UBAP1: variants seen among roughly 807,000 people sequenced by gnomAD.
The protein encoded by UBAP1 is ubiquitin associated protein 1.
In UBAP1, 5 loss-of-function variants were observed where a neutral mutation model predicts 39.0. That is an observed-to-expected ratio of 0.13 (90% confidence interval 0.07 to 0.27). The LOEUF (loss-of-function observed/expected upper bound fraction) is 0.27. Ranked by LOEUF, UBAP1 falls within the 10% of genes least tolerant of loss-of-function variation. The pLI, the probability that UBAP1 is intolerant of heterozygous loss-of-function variation, is 1.00. For synonymous variants in UBAP1, 211 were observed against 225.1 expected, an observed-to-expected ratio of 0.94 and a Z score of 0.56; for missense variants, 490 against 608.1, an observed-to-expected ratio of 0.81 and a Z score of 2.04.
chr9:34,198,558 C>T (rs1010186749), intron 1 of UBAP1, among the ~76,000 whole-genome samples: 1 of 152,306 alleles, frequency 6.6e-6, no homozygotes, highest in South Asian at 2.1e-4. Context: ...GATAGACATG[C>T]CGCAGATGGG....
At chr9:34,205,309 C>T (rs1270667506) in intron 1 of UBAP1, among the ~76,000 whole-genome samples, 1 of 152,180 alleles carries the variant, frequency 6.6e-6, no homozygotes, top group Non-Finnish European at 1.5e-5. Context: ...TCACACCCAG[C>T]CCTGGCTAAT....
chr9:34,232,201 G>T (rs967714993), intron 2 of UBAP1, among the ~76,000 whole-genome samples: 1 of 152,072 alleles, frequency 6.6e-6, no homozygotes, highest in Non-Finnish European at 1.5e-5. Context: ...CACCATGTTG[G>T]CCAGGTTAGT....
chr9:34,233,525 A>G (rs1184484268), intron 2 of UBAP1, among the ~76,000 whole-genome samples: 1 of 152,148 alleles, frequency 6.6e-6, no homozygotes, highest in East Asian at 1.9e-4. Context: ...AGTCTCATCC[A>G]TTCAGTATTT....
chr9:34,243,539 G>A (rs1231896977), intron 4 of UBAP1, among the ~76,000 whole-genome samples: 1 of 151,352 alleles, frequency 6.6e-6, no homozygotes, highest in Admixed American at 6.6e-5. Flanking sequence ...AGGCTGGAAT[G>A]TAGTGGTGTG....
intron 1 of UBAP1, among the ~76,000 whole-genome samples, chr9:34,185,841 G>C (rs891788502): frequency 2.0e-5 from 3 of 152,090 alleles, no homozygotes; most frequent in Admixed American, 2.0e-4. Flanking sequence ...ACGCATCTCT[G>C]TCTCAAAAAA....
intron 1 of UBAP1, among the ~76,000 whole-genome samples, chr9:34,214,397 G>C (rs1832185397): frequency 6.6e-6 from 1 of 152,096 alleles, no homozygotes; most frequent in African/African-American, 2.4e-5. Context: ...CTTCGACAAA[G>C]CAAACAAAAA....
chr9:34,226,642 A>G (rs1280750916), intron 2 of UBAP1, among the ~76,000 whole-genome samples: 1 of 152,168 alleles, frequency 6.6e-6, no homozygotes, highest in Non-Finnish European at 1.5e-5. Context: ...CTGGGAGTTC[A>G]AGGTTATAGT....
chr9:34,224,147 T>TC, intron 2 of UBAP1: 1 of 655,812 alleles, frequency 1.5e-6, no homozygotes, highest in African/African-American at 1.9e-5. Flanking sequence ...GATTTTGGCC[T>TC]TTTTTTTTCC....
chr9:34,194,265 T>C (rs1462239778), intron 1 of UBAP1, among the ~76,000 whole-genome samples: 1 of 152,146 alleles, frequency 6.6e-6, no homozygotes, highest in Non-Finnish European at 1.5e-5. Context: ...GAATGTGTAA[T>C]AGCTATTTTG....
intron 1 of UBAP1, among the ~76,000 whole-genome samples, chr9:34,183,265 C>T (rs1171881227): frequency 2.0e-5 from 3 of 151,652 alleles, no homozygotes; most frequent in African/African-American, 7.3e-5. Flanking sequence ...TTAAATAGGC[C>T]TGGCGCCATG....
At chr9:34,190,345 A>T (rs1018880598) in intron 1 of UBAP1, among the ~76,000 whole-genome samples, 1 of 152,078 alleles carries the variant, frequency 6.6e-6, no homozygotes, top group Non-Finnish European at 1.5e-5. Context: ...ACTGGAGTGC[A>T]GTGGTGTGGT....
chr9:34,246,305 G>GT (rs1214158491), intron 4 of UBAP1, among the ~76,000 whole-genome samples: 1 of 152,058 alleles, frequency 6.6e-6, no homozygotes, highest in Admixed American at 6.6e-5. Context: ...AGCTTAAGCA[G>GT]TCCTTCTGCC....
intron 1 of UBAP1, among the ~76,000 whole-genome samples, chr9:34,195,008 T>G (rs1315348569): frequency 6.6e-6 from 1 of 152,220 alleles, no homozygotes; most frequent in African/African-American, 2.4e-5. Flanking sequence ...TGACAATTCT[T>G]GCTCAAACTC....
At position 34,217,529 on chromosome 9, in the gene UBAP1, C is replaced by T. The variant is rs780737424; in HGVS notation, c.-7-3379C>T. Among the ~76,000 whole-genome samples, 35 of 152,032 alleles carry T rather than the reference C, an allele frequency of 2.3e-4. 1 individual carries two copies. Among genetic ancestry groups the T allele is most frequent in the Non-Finnish European group, 3.8e-4 (26 of 68,000 alleles). ...AAGATTACAGTCGTGAGCCACCGTG[C>T]CTGGCTGGTGGCGGTGGTGGTTTTT... On this transcript the variant is annotated intron_variant, in intron 1 of 6. Coordinates refer to ENST00000297661, the MANE Select transcript of UBAP1 (RefSeq NM_016525.5).
intron 1 of UBAP1, among the ~76,000 whole-genome samples, chr9:34,189,329 C>A (rs1830588207): frequency 6.6e-6 from 1 of 151,890 alleles, no homozygotes; most frequent in Non-Finnish European, 1.5e-5. Context: ...GCTGGGATTA[C>A]AGGCACGTGC....
chr9:34,218,986 T>C (rs1290231838), intron 1 of UBAP1, among the ~76,000 whole-genome samples: 5 of 152,200 alleles, frequency 3.3e-5, no homozygotes, highest in African/African-American at 1.2e-4. Context: ...TTGCTGGTTC[T>C]TTGAAAATTG....
At chr9:34,199,292 C>G (rs1831233717) in intron 1 of UBAP1, among the ~76,000 whole-genome samples, 1 of 152,184 alleles carries the variant, frequency 6.6e-6, no homozygotes, top group South Asian at 2.1e-4. Flanking sequence ...CCAGGATGGT[C>G]TCGAACCCCT....
intron 1 of UBAP1, among the ~76,000 whole-genome samples, chr9:34,212,234 T>A (rs1450405457): frequency 6.6e-6 from 1 of 152,080 alleles, no homozygotes; most frequent in African/African-American, 2.4e-5. Context: ...GCAATTTAAT[T>A]TAATTTATTA....
At chr9:34,197,162 G>C (rs1831115390) in intron 1 of UBAP1, among the ~76,000 whole-genome samples, 1 of 152,046 alleles carries the variant, frequency 6.6e-6, no homozygotes, top group African/African-American at 2.4e-5. Context: ...TCTTGACCTT[G>C]TGATCCGCTT....
Sources: gnomAD v4.1 joint callset for allele counts (sites outside exome capture counted in the v4.1 genomes callset) on GRCh38, gnomAD v4.1.1 for gene constraint, MANE v1.5 for transcripts, NCBI Gene and HGNC (gene_info 2026-07-23, HGNC 2026-07-21) for gene names.